The following GALK2 variants were observed in gnomAD, a reference collection of about 807,000 sequenced individuals.
GALK2 encodes the protein galactokinase 2.
Under a neutral mutation model 52.4 loss-of-function variants are expected in GALK2, and 36 were observed. That is an observed-to-expected ratio of 0.69 (90% confidence interval 0.53 to 0.91). The LOEUF is 0.91. Ranked by LOEUF, GALK2 falls within the 40% of genes least tolerant of loss-of-function variation. The probability of loss-of-function intolerance (pLI) is 0.00; values close to 1 mark genes in which losing one functional copy is unlikely to be tolerated. For synonymous variants in GALK2, 176 were observed against 199.1 expected, an observed-to-expected ratio of 0.88 and a Z score of 0.98; for missense variants, 579 against 559.1, an observed-to-expected ratio of 1.04 and a Z score of -0.36.
At chr15:49,350,651 T>C (rs747444544) in intron 3 of GALK2, among the ~76,000 whole-genome samples, 1 of 152,092 alleles carries the variant, frequency 6.6e-6, no homozygotes, top group Non-Finnish European at 1.5e-5. Context: ...CCTATGAGGG[T>C]ACTGTGATTT....
upstream of GALK2, among the ~76,000 whole-genome samples, chr15:49,166,358 AT>A (rs763602328): frequency 5.9e-5 from 9 of 152,090 alleles, no homozygotes; most frequent in Non-Finnish European, 1.0e-4. Flanking sequence ...GATTTCTCTG[AT>A]TCATGAGTTT....
At chr15:49,282,138 A>C in intron 6 of GALK2, 53 bp downstream of exon 6, 1 of 1,363,252 alleles carries the variant, frequency 7.3e-7, no homozygotes, top group Non-Finnish European at 1.0e-6. Flanking sequence ...GGGAAAATTT[A>C]CATGGAGAAG....
intron 5 of GALK2, among the ~76,000 whole-genome samples, chr15:49,273,781 G>A (rs1295425761): frequency 6.6e-6 from 1 of 152,178 alleles, no homozygotes; most frequent in African/African-American, 2.4e-5. Context: ...GAAAGTTAGG[G>A]TGGAGAAGGA....
chr15:49,319,869 A>G, intron 9 of GALK2, 64 bp downstream of exon 9: 1 of 1,375,926 alleles, frequency 7.3e-7, no homozygotes, highest in Non-Finnish European at 1.0e-6. Flanking sequence ...TAATGGAAAA[A>G]AATGCAACAT....
At chr15:49,215,977 A>G (rs978949417) in intron 2 of GALK2, among the ~76,000 whole-genome samples, 1 of 152,230 alleles carries the variant, frequency 6.6e-6, no homozygotes, top group Non-Finnish European at 1.5e-5. Flanking sequence ...AAGCCCAGGA[A>G]TGCTGCAATT....
chr15:49,292,599 A>G (rs2034049749), intron 8 of GALK2, 62 bp downstream of exon 8: 15 of 1,333,546 alleles, frequency 1.1e-5, no homozygotes, highest in East Asian at 4.7e-5. Context: ...GAAGGTTTCA[A>G]TTTCTCCACT....
intron 2 of GALK2, among the ~76,000 whole-genome samples, chr15:49,204,758 C>G (rs1156639516): frequency 6.6e-6 from 1 of 152,072 alleles, no homozygotes; most frequent in East Asian, 1.9e-4. Flanking sequence ...TACATGAATA[C>G]ATTTTTTAGT....
intron 3 of GALK2, among the ~76,000 whole-genome samples, chr15:49,357,573 A>C (rs903914492): frequency 1.1e-3 from 165 of 151,582 alleles, no homozygotes; most frequent in African/African-American, 3.7e-3. Flanking sequence ...CAATAACAGG[A>C]GCTGAAATTG....
At chr15:49,214,332 C>CTTTTTTTTTT (rs35359586) in intron 2 of GALK2, among the ~76,000 whole-genome samples, 1 of 126,702 alleles carries the variant, frequency 7.9e-6, no homozygotes, top group African/African-American at 3.1e-5. Context: ...CACTTTGTCA[C>CTTTTTTTTTT]TTTTTTTTTT....
chr15:49,200,310 A>G (rs987633867), intron 1 of GALK2, among the ~76,000 whole-genome samples: 1 of 152,190 alleles, frequency 6.6e-6, no homozygotes, highest in African/African-American at 2.4e-5. Context: ...TAGAATTAGA[A>G]CTGTGGTTTC....
chr15:49,276,903 G>GT (rs1720895252), intron 5 of GALK2, among the ~76,000 whole-genome samples: 1 of 72,598 alleles, frequency 1.4e-5, no homozygotes, highest in South Asian at 5.0e-4. Flanking sequence ...TAGAATCTGA[G>GT]GTTTTTTTTT....
chr15:49,177,688 C>G (rs915752695), intron 1 of GALK2: 1 of 521,806 alleles, frequency 1.9e-6, no homozygotes, highest in Non-Finnish European at 3.1e-6. Context: ...ACTTATGACC[C>G]TACCAAGGCC....
chr15:49,329,054 A>C lies in GALK2; in HGVS notation c.*895A>C. 2 of 998,634 alleles carry C rather than the reference A, an allele frequency of 2.0e-6. No individual in the cohort carries two copies. Among genetic ancestry groups the C allele is most frequent in the Non-Finnish European group, 2.4e-6 (2 of 837,936 alleles). The allele number at this position is 998,634 out of a possible 1,614,324, so 61.9% of individuals were successfully genotyped here. On this transcript the variant is annotated 3_prime_UTR_variant, in exon 10 of 10. Transcript: ENST00000560031. Reference sequence around the variant, plus strand: ...CTACTTTTTCTCAAATACCTCTCTAATCCAAGAGGCACTTCCAAGAAATTC... The same window carrying C: ...CTACTTTTTCTCAAATACCTCTCTACTCCAAGAGGCACTTCCAAGAAATTC...
intron 5 of GALK2, among the ~76,000 whole-genome samples, chr15:49,280,024 T>C (rs1211199423): frequency 1.3e-5 from 2 of 152,194 alleles, no homozygotes; most frequent in East Asian, 3.8e-4. Context: ...GCAGCTATTC[T>C]CAGAAATTGA....
At chr15:49,302,386 T>C (rs2035188282) in intron 8 of GALK2, among the ~76,000 whole-genome samples, 1 of 152,162 alleles carries the variant, frequency 6.6e-6, no homozygotes, top group African/African-American at 2.4e-5. Context: ...TCTAGAAGCT[T>C]GCTTTATTTA....
At chr15:49,173,491 A>G (rs1176013174) in intron 1 of GALK2, among the ~76,000 whole-genome samples, 1 of 152,092 alleles carries the variant, frequency 6.6e-6, no homozygotes, top group Non-Finnish European at 1.5e-5. Context: ...TGAAAATCCC[A>G]CAGTTTCTTT....
intron 1 of GALK2, among the ~76,000 whole-genome samples, chr15:49,179,453 G>A (rs1174477670): frequency 6.6e-6 from 1 of 152,100 alleles, no homozygotes; most frequent in Non-Finnish European, 1.5e-5. Context: ...GACAGGATGG[G>A]GGACTTGCCC....
At chr15:49,366,311 C>T (rs1233878692) in intron 3 of GALK2, 1 of 787,484 alleles carries the variant, frequency 1.3e-6, no homozygotes, top group Non-Finnish European at 2.4e-6. Context: ...AGATCTGTTA[C>T]CTGAGGTAGG....
intron 5 of GALK2, among the ~76,000 whole-genome samples, chr15:49,269,633 G>A (rs1287106535): frequency 6.6e-6 from 1 of 152,034 alleles, no homozygotes; most frequent in Non-Finnish European, 1.5e-5. Flanking sequence ...TTTTTCCCTA[G>A]GAATTGAAGT....
Sources: gnomAD v4.1 joint callset for allele counts (sites outside exome capture counted in the v4.1 genomes callset) on GRCh38, gnomAD v4.1.1 for gene constraint, MANE v1.5 for transcripts, NCBI Gene and HGNC (gene_info 2026-07-23, HGNC 2026-07-21) for gene names.